The following LINGO1 variants were observed in gnomAD, a reference collection of about 807,000 sequenced individuals.
LINGO1 encodes the protein leucine-rich repeat and immunoglobulin-like domain-containing nogo receptor-interacting protein 1.
Under a neutral mutation model 37.3 loss-of-function variants are expected in LINGO1, and 11 were observed. The observed-to-expected ratio is 0.29, with a 90% CI of 0.19 to 0.49. LINGO1 has a LOEUF of 0.49. Ranked by LOEUF, LINGO1 falls within the 20% of genes least tolerant of loss-of-function variation. The probability of loss-of-function intolerance (pLI) is 0.99; values close to 1 mark genes in which losing one functional copy is unlikely to be tolerated. For missense variants in LINGO1, 585 were observed against 878.2 expected, an observed-to-expected ratio of 0.67 and a Z score of 4.22; for synonymous variants, 387 against 403.0, an observed-to-expected ratio of 0.96 and a Z score of 0.48.
At chr15:77,806,944 C>T (rs899914952) in intron 1 of LINGO1, among the ~76,000 whole-genome samples, 4 of 152,112 alleles carry the variant, frequency 2.6e-5, no homozygotes, top group African/African-American at 4.8e-5. Context: ...CAGGGCTCCC[C>T]GTTACCTTGA....
At chr15:77,772,368 C>G (rs1345441135) in intron 1 of LINGO1, among the ~76,000 whole-genome samples, 1 of 152,214 alleles carries the variant, frequency 6.6e-6, no homozygotes, top group Non-Finnish European at 1.5e-5. Flanking sequence ...CTTCCCGTAA[C>G]CTCGGTTTCC....
intron 2 of LINGO1, among the ~76,000 whole-genome samples, chr15:77,794,407 TGTGTATATACATACGTATATGTATATAC>T (rs2076848528): frequency 1.7e-5 from 1 of 58,948 alleles, no homozygotes; most frequent in Non-Finnish European, 3.2e-5. Flanking sequence ...TACGTATATA[TGTGTATATACATACGTATATGTATATAC>T]ATACATATAT....
At position 77,721,043 on chromosome 15, in the gene LINGO1, C is replaced by T. The variant is rs373005355; in HGVS notation, c.-195+13949G>A. On this transcript the variant is annotated intron_variant, in intron 2 of 3. Transcript: ENST00000561686. ...TGACCAATACCATGGTCTGAGCCAC[C>T]GCCCCTCCTGCCTCAATGCTCACAT... is the stretch of plus-strand genomic sequence containing the variant. 1.6e-4 allele frequency among the ~76,000 whole-genome samples: 24 copies of T among 152,146 alleles called. 2 individuals carry two copies. The highest frequency in any genetic ancestry group is 3.6e-4 in the African/African-American group (15 of 41,510).
intron 1 of LINGO1, among the ~76,000 whole-genome samples, chr15:77,739,336 A>G (rs2076237232): frequency 6.6e-6 from 1 of 152,180 alleles, no homozygotes; most frequent in Non-Finnish European, 1.5e-5. Flanking sequence ...ATAACTCGAT[A>G]TAATGAACTC....
At chr15:77,656,509 C>T (rs991660469) in intron 3 of LINGO1, among the ~76,000 whole-genome samples, 4 of 152,226 alleles carry the variant, frequency 2.6e-5, no homozygotes, top group South Asian at 4.1e-4. Context: ...AGCCGCCCTG[C>T]GCCCATATGG....
chr15:77,705,464 C>G (rs2075841070), intron 2 of LINGO1, among the ~76,000 whole-genome samples: 1 of 152,004 alleles, frequency 6.6e-6, no homozygotes. Flanking sequence ...GTCCAGGGCT[C>G]TTTCTACCCA....
intron 3 of LINGO1, among the ~76,000 whole-genome samples, chr15:77,670,475 G>A (rs2075228323): frequency 6.6e-6 from 1 of 152,224 alleles, no homozygotes. Flanking sequence ...CCTCACAAGA[G>A]TGGAAGCTCT....
intron 1 of LINGO1, among the ~76,000 whole-genome samples, chr15:77,758,086 C>T (rs1428865960): frequency 1.3e-5 from 2 of 152,186 alleles, no homozygotes; most frequent in Non-Finnish European, 2.9e-5. Context: ...CTCGCCCCTC[C>T]CTCGCCTCCC....
chr15:77,704,763 T>C (rs1195864256), intron 2 of LINGO1, among the ~76,000 whole-genome samples: 1 of 152,118 alleles, frequency 6.6e-6, no homozygotes, highest in Admixed American at 6.5e-5. Flanking sequence ...CATTAAGCAA[T>C]GGTCACACAG....
chr15:77,624,242 C>A (rs574942376), intron 1 of LINGO1, among the ~76,000 whole-genome samples: 2 of 150,826 alleles, frequency 1.3e-5, no homozygotes, highest in Non-Finnish European at 3.0e-5. Flanking sequence ...GTGTGAGTGG[C>A]CTCTGTGTGT....
Position 77,792,561 on chromosome 15 carries a change from C to G in LINGO1, c.-343+3378G>C, listed in dbSNP as rs1049857528. Among the ~76,000 whole-genome samples, 4 of 152,244 alleles carry G rather than the reference C, an allele frequency of 2.6e-5. No individual in the cohort carries two copies. The East Asian group carries it at 7.7e-4, about 29-fold the overall frequency. On this transcript the variant is annotated intron_variant, in intron 2 of 5. Coordinates refer to the LINGO1 transcript ENST00000562933. Reference sequence around the variant, plus strand: ...CCTCAGGCCTCTGCTGAAATGGCCCCTCATCCGAGAGGACTTTCCTGAGAA... The same window carrying G: ...CCTCAGGCCTCTGCTGAAATGGCCCGTCATCCGAGAGGACTTTCCTGAGAA...
intron 1 of LINGO1, among the ~76,000 whole-genome samples, chr15:77,781,502 G>A (rs2076716502): frequency 6.6e-6 from 1 of 152,208 alleles, no homozygotes; most frequent in South Asian, 2.1e-4. Context: ...AAAATTAGAA[G>A]TGCCCTAGAG....
At chr15:77,769,441 GA>G (rs2076562033) in intron 1 of LINGO1, among the ~76,000 whole-genome samples, 1 of 152,198 alleles carries the variant, frequency 6.6e-6, no homozygotes, top group Non-Finnish European at 1.5e-5. Flanking sequence ...CACACCCTGG[GA>G]CGTGCTCTGG....
chr15:77,752,443 A>G (rs2076381188), intron 1 of LINGO1, among the ~76,000 whole-genome samples: 1 of 152,204 alleles, frequency 6.6e-6, no homozygotes, highest in Non-Finnish European at 1.5e-5. Context: ...TGGCAAAAGC[A>G]ACACAAATCG....
At chr15:77,625,990 A>C (rs2074077525) in intron 1 of LINGO1, among the ~76,000 whole-genome samples, 1 of 152,076 alleles carries the variant, frequency 6.6e-6, no homozygotes, top group South Asian at 2.1e-4. Flanking sequence ...CACGTTACAC[A>C]CCCACTTCAC....
At chr15:77,764,923 T>C (rs994336593) in intron 1 of LINGO1, among the ~76,000 whole-genome samples, 19 of 152,234 alleles carry the variant, frequency 1.2e-4, no homozygotes, top group Non-Finnish European at 2.2e-4. Flanking sequence ...AGGAGGTCCA[T>C]GTGGATGTGC....
intron 1 of LINGO1, among the ~76,000 whole-genome samples, chr15:77,752,644 A>AC (rs1172361812): frequency 6.6e-6 from 1 of 152,176 alleles, no homozygotes; most frequent in African/African-American, 2.4e-5. Context: ...GAATCAGCCA[A>AC]CCCTAGGTAA....
intron 1 of LINGO1, among the ~76,000 whole-genome samples, chr15:77,753,498 A>G (rs2076390801): frequency 6.6e-6 from 1 of 152,202 alleles, no homozygotes; most frequent in South Asian, 2.1e-4. Context: ...GCTGGTGGGC[A>G]CAAAAGATGA....
intron 1 of LINGO1, among the ~76,000 whole-genome samples, chr15:77,631,428 A>G (rs911254531): frequency 2.0e-5 from 3 of 152,192 alleles, no homozygotes; most frequent in African/African-American, 4.8e-5. Context: ...AGGCTGGACC[A>G]GGCTGGGCTG....
Sources: allele counts gnomAD v4.1 joint callset (sites outside exome capture counted in the v4.1 genomes callset), GRCh38; gene constraint gnomAD v4.1.1; transcripts MANE v1.5; gene names NCBI Gene and HGNC (gene_info 2026-07-23, HGNC 2026-07-21).